Variants in MFSD2B observed in about 807,000 individuals in gnomAD.
MFSD2B encodes MFSD2 lysolipid transporter B, sphingolipid.
Under a neutral mutation model 58.4 loss-of-function variants are expected in MFSD2B, and 56 were observed. The observed-to-expected ratio is 0.96, with a 90% CI of 0.77 to 1.20. The LOEUF (loss-of-function observed/expected upper bound fraction) is 1.20, where lower values mean the gene tolerates loss of function less well. Among genes scored for constraint, MFSD2B ranks in the 50% most tolerant of loss-of-function variants. MFSD2B has a pLI of 0.00. For missense variants in MFSD2B, 645 were observed against 667.6 expected, an observed-to-expected ratio of 0.97 and a Z score of 0.37; for synonymous variants, 287 against 294.4, an observed-to-expected ratio of 0.97 and a Z score of 0.26.
In MFSD2B at chr2:24,012,168, ACACAC is replaced by A. The variant is rs1456506029; in HGVS notation, c.97-1116_97-1112del. Among the ~76,000 whole-genome samples, 12 of 71,308 alleles carry A rather than the reference ACACAC, an allele frequency of 1.7e-4. 1 individual carries two copies. The highest frequency in any genetic ancestry group is 1.5e-3 in the South Asian group (2 of 1,330). 46.8% of individuals were successfully genotyped at this position (71,308 alleles called of 152,430 possible). A position where few individuals can be genotyped will look rare whatever the true frequency, so the allele number is the denominator to read the frequency against. On this transcript the variant is annotated intron_variant, in intron 1 of 13. Transcript: ENST00000338315. This position sits in a 1 kb window ranked among gnomAD's most constrained non-coding sequence, Gnocchi z 4.5. ...ACAAACAAAACACACACACACACAC[ACACAC>A]ACACACAAAAACAGACAAAAAAACC... is the stretch of plus-strand genomic sequence containing the variant.
chr2:24,025,025 C>T (rs1662928874), intron 13 of MFSD2B, among the ~76,000 whole-genome samples: 1 of 152,240 alleles, frequency 6.6e-6, no homozygotes, highest in African/African-American at 2.4e-5. Context: ...TCAGGAATCA[C>T]TGCTGCAGCA....
Position 24,023,865 on chromosome 2 carries a change from C to A in MFSD2B, c.1313+139C>A. The A allele has an allele frequency of 8.8e-7, 1 of 1,133,276 alleles. No individual in the cohort carries two copies. The highest frequency in any genetic ancestry group is 1.3e-6 in the Non-Finnish European group (1 of 791,188). 70.2% of individuals were successfully genotyped at this position (1,133,276 alleles called of 1,614,324 possible). On this transcript the variant is annotated intron_variant, in intron 12 of 13. Coordinates refer to ENST00000338315, the MANE Select transcript of MFSD2B (RefSeq NM_001346880.2). This position sits in a 1 kb window ranked among gnomAD's most constrained non-coding sequence, Gnocchi z 5.0. Reference sequence around the variant, plus strand: ...ACTCTTTGGAGAGTGTGGGGAACCACTTCCCCAGGTTTCTCTGTGCATGAG... The same window carrying A: ...ACTCTTTGGAGAGTGTGGGGAACCAATTCCCCAGGTTTCTCTGTGCATGAG...
chr2:24,025,464 G>C lies in MFSD2B; in HGVS notation c.*8G>C. 6.5e-7 allele frequency: 1 copy of C among 1,536,002 alleles called. No individual in the cohort carries two copies. The highest frequency in any genetic ancestry group is 2.4e-5 in the East Asian group (1 of 40,902). On this transcript the variant is annotated 3_prime_UTR_variant, in exon 14 of 14. Coordinates refer to ENST00000338315, the MANE Select transcript of MFSD2B (RefSeq NM_001346880.2). ...AGCTACAGCCTGGCCTAAAGCTTAG[G>C]AGGGCGACTGTGAATGGACACAGGA...
chr2:24,017,115 G>T lies in MFSD2B; in HGVS notation c.471+147G>T, dbSNP rs1303103795. 2.2e-6 allele frequency: 3 copies of T among 1,357,866 alleles called. No individual in the cohort carries two copies. The African/African-American group carries it at 4.3e-5, about 19-fold the overall frequency. 84.1% of individuals were successfully genotyped at this position (1,357,866 alleles called of 1,614,324 possible). The stretch of plus-strand genomic sequence containing the variant: ...CCATTGGCACTCGCCAGCCTTGCGC[G>T]GGACTGGCTGCCCCCTCCTGCCTTT... On this transcript the variant is annotated intron_variant, in intron 4 of 13. Coordinates refer to ENST00000338315, the MANE Select transcript of MFSD2B (RefSeq NM_001346880.2). The surrounding 1 kb of genome is among the most constrained non-coding windows in gnomAD (Gnocchi z 4.8).
intron 6 of MFSD2B, chr2:24,018,141 A>G (rs949338076): frequency 6.4e-6 from 1 of 156,142 alleles, no homozygotes; most frequent in African/African-American, 2.4e-5. Context: ...CCTTTCCTTA[A>G]GTAAATGACA....
chr2:24,014,444 G>A (rs566355431), intron 2 of MFSD2B, among the ~76,000 whole-genome samples: 47 of 152,262 alleles, frequency 3.1e-4, no homozygotes, highest in African/African-American at 9.1e-4. Context: ...GTGAGCCACC[G>A]TGCCTGGCCA....
intron 2 of MFSD2B, among the ~76,000 whole-genome samples, chr2:24,015,523 C>A (rs1365604652): frequency 6.6e-6 from 1 of 152,160 alleles, no homozygotes; most frequent in Non-Finnish European, 1.5e-5. Context: ...GATATGATCC[C>A]ATTTATATAA....
intron 6 of MFSD2B, chr2:24,018,649 T>C (rs951676929): frequency 5.6e-6 from 1 of 178,210 alleles, no homozygotes; most frequent in African/African-American, 2.4e-5. Flanking sequence ...CCATGATTTA[T>C]CCCAGCCTGG....
chr2:24,017,026 CA>C lies in MFSD2B; in HGVS notation c.471+59del. 1 of 1,604,308 alleles carries C rather than the reference CA, an allele frequency of 6.2e-7. No individual in the cohort carries two copies. On this transcript the variant is annotated intron_variant, in intron 4 of 13. Transcript: ENST00000338315. This position sits in a 1 kb window ranked among gnomAD's most constrained non-coding sequence, Gnocchi z 4.8. ...GGCGAAGCCCATTGCTGGCCATGGC[CA>C]CTCTGAAGTGTGCTGTGGGGGCAGG...
intron 1 of MFSD2B, among the ~76,000 whole-genome samples, chr2:24,011,078 G>A (rs759494028): frequency 3.3e-5 from 5 of 152,192 alleles, no homozygotes; most frequent in Non-Finnish European, 4.4e-5. Flanking sequence ...TGGCAGCCCC[G>A]GTCACTCCAA....
intron 3 of MFSD2B, among the ~76,000 whole-genome samples, chr2:24,016,529 TGA>T (rs1294683335): frequency 6.6e-6 from 1 of 152,158 alleles, no homozygotes. Flanking sequence ...CCTGGGGCAC[TGA>T]GTGTGGGAAG....
rs188952838 is a variant in MFSD2B, at chr2:24,013,954, G to T, written c.222+544G>T. On this transcript the variant is annotated intron_variant, in intron 2 of 13. Coordinates refer to ENST00000338315, the MANE Select transcript of MFSD2B (RefSeq NM_001346880.2). ...CCTCCCAGGTTCAAGCGATTCTCATGCCTCAGCCTCCCGAGTAGCTGGGAT... is the reference window on the plus strand; with the variant it reads ...CCTCCCAGGTTCAAGCGATTCTCATTCCTCAGCCTCCCGAGTAGCTGGGAT... Among the ~76,000 whole-genome samples, 113 of 147,918 alleles carry T rather than the reference G, an allele frequency of 7.6e-4. 1 individual carries two copies. The South Asian group carries it at 0.011, about 14-fold the overall frequency.
chr2:24,017,011 A>G lies in MFSD2B; in HGVS notation c.471+43A>G, dbSNP rs367745643. 9.9e-6 allele frequency: 16 copies of G among 1,609,534 alleles called. No individual in the cohort carries two copies. The African/African-American group carries it at 2.0e-4, about 20-fold the overall frequency. ...CTGGGCCTGTGCTCTGGCGAAGCCC[A>G]TTGCTGGCCATGGCCACTCTGAAGT... is the stretch of plus-strand genomic sequence containing the variant. On this transcript the variant is annotated intron_variant, in intron 4 of 13. Transcript: ENST00000338315. This position sits in a 1 kb window ranked among gnomAD's most constrained non-coding sequence, Gnocchi z 4.8.
chr2:24,017,581 C>G lies in MFSD2B; in HGVS notation c.674C>G (p.Pro225Arg). 1 of 1,554,912 alleles carries G rather than the reference C, an allele frequency of 6.4e-7. No individual in the cohort carries two copies. Among genetic ancestry groups the G allele is most frequent in the Non-Finnish European group, 8.7e-7 (1 of 1,149,664 alleles). The change falls in exon 6 of 14, where the codon CCG becomes CGG. Residue 225 changes from proline (P) to arginine (R), a missense_variant. By Grantham distance (103) the Pro-to-Arg change is moderately radical. Coordinates refer to ENST00000338315, the MANE Select transcript of MFSD2B (RefSeq NM_001346880.2). The surrounding 1 kb of genome is among the most constrained non-coding windows in gnomAD (Gnocchi z 4.8). The stretch of plus-strand genomic sequence containing the variant: ...ACCCCGGGGCCAGTCACTGTCTCCC[C>G]GAATGCAGTAAGTGCACTGGGTGGC... ...TATPGPVTVS[P>R]NAAHLYCIAA...
intron 1 of MFSD2B, among the ~76,000 whole-genome samples, chr2:24,011,016 C>G (rs1440830368): frequency 2.0e-5 from 3 of 152,240 alleles, no homozygotes; most frequent in East Asian, 1.9e-4. Flanking sequence ...GGGAAACACT[C>G]GCATTGCTGA....
Position 24,021,690 on chromosome 2 carries a change from T to C in MFSD2B, c.724T>C (p.Tyr242His), listed in dbSNP as rs748769226. The change falls in exon 7 of 14, where the codon TAC (tyrosine) becomes CAC (histidine). Residue 242 changes from tyrosine to histidine, a missense_variant. By Grantham distance (83) the Tyr-to-His change is moderately conservative. Coordinates refer to ENST00000338315, the MANE Select transcript of MFSD2B (RefSeq NM_001346880.2). The surrounding 1 kb of genome is among the most constrained non-coding windows in gnomAD (Gnocchi z 5.7). ...TGCGGCTGCCGTGGTTGTAGTGACTTACCCCGTGTGCATCAGTTTACTGTG... is the reference window on the plus strand; with the variant it reads ...TGCGGCTGCCGTGGTTGTAGTGACTCACCCCGTGTGCATCAGTTTACTGTG... Reference protein sequence around the residue: ...CIAAAVVVVTYPVCISLLCLG... With the variant: ...CIAAAVVVVTHPVCISLLCLG... 3 of 1,613,562 alleles carry C rather than the reference T, an allele frequency of 1.9e-6. No individual in the cohort carries two copies. Among genetic ancestry groups the C allele is most frequent in the East Asian group, 4.5e-5 (2 of 44,892 alleles).
In MFSD2B at chr2:24,012,179, C is replaced by CACAA. The variant is rs1553313825; in HGVS notation, c.97-1105_97-1104insCAAA. ...ACACACACACACACACACACACACA[C>CACAA]AAAAACAGACAAAAAAACCCTGCAA... On this transcript the variant is annotated intron_variant, in intron 1 of 13. Coordinates refer to ENST00000338315, the MANE Select transcript of MFSD2B (RefSeq NM_001346880.2). This position sits in a 1 kb window ranked among gnomAD's most constrained non-coding sequence, Gnocchi z 4.5. 9.4e-4 allele frequency among the ~76,000 whole-genome samples: 139 copies of CACAA among 148,202 alleles called. 6 individuals are homozygous for CACAA. The South Asian group carries it at 0.026, about 28-fold the overall frequency.
At position 24,022,545 on chromosome 2, in the gene MFSD2B, G is replaced by C; in HGVS notation, c.978+29G>C. ...AGGGGGCCTGGGGTGGTGGAGGCTA[G>C]GTCACTTGGGGCCCTGAGCTGGGGA... On this transcript the variant is annotated intron_variant, in intron 9 of 13. Transcript: ENST00000338315. The surrounding 1 kb of genome is among the most constrained non-coding windows in gnomAD (Gnocchi z 4.5). 1.3e-6 allele frequency: 2 copies of C among 1,566,930 alleles called. No individual in the cohort carries two copies. Among genetic ancestry groups the C allele is most frequent in the South Asian group, 2.3e-5 (2 of 87,340 alleles).
Position 24,010,206 on chromosome 2 carries a change from C to T in MFSD2B, c.96+14C>T, listed in dbSNP as rs1473417715. The T allele has an allele frequency of 3.6e-6, 5 of 1,376,316 alleles. No homozygotes were observed. The highest frequency in any genetic ancestry group is 3.1e-5 in the East Asian group (1 of 32,572). The allele number at this position is 1,376,316 out of a possible 1,614,324, so 85.3% of individuals were successfully genotyped here. On this transcript the variant is annotated intron_variant, in intron 1 of 13. Transcript: ENST00000338315. Reference sequence around the variant, plus strand: ...CGAGGGCGAGAGGTGAGCGGGGCGGCGGGGACCGGGAAGGGGCTGCGTCCT... The same window carrying T: ...CGAGGGCGAGAGGTGAGCGGGGCGGTGGGGACCGGGAAGGGGCTGCGTCCT...
Sources: gnomAD v4.1 joint callset for allele counts (sites outside exome capture counted in the v4.1 genomes callset) on GRCh38, gnomAD v4.1.1 for gene constraint, Gnocchi (gnomAD v3.1) non-coding constraint, MANE v1.5 for transcripts, NCBI Gene and HGNC (gene_info 2026-07-23, HGNC 2026-07-21) for gene names.